The following ADGRL2 variants were observed in gnomAD, a reference collection of about 807,000 sequenced individuals.
ADGRL2 encodes the protein calcium-independent alpha-latrotoxin receptor 2.
Under a neutral mutation model 157.4 loss-of-function variants are expected in ADGRL2, and 44 were observed. The observed-to-expected ratio is 0.28, with a 90% confidence interval of 0.22 to 0.36. The LOEUF is 0.36. Among genes scored for constraint, ADGRL2 ranks in the 10% least tolerant of loss-of-function variants. The pLI is 1.00. For synonymous variants in ADGRL2, 585 were observed against 624.7 expected, an observed-to-expected ratio of 0.94 and a Z score of 0.95; for missense variants, 1,510 against 1,768.9, an observed-to-expected ratio of 0.85 and a Z score of 2.63.
intron 3 of ADGRL2, among the ~76,000 whole-genome samples, chr1:81,603,154 A>G (rs544153528): frequency 6.6e-6 from 1 of 152,264 alleles, no homozygotes; most frequent in East Asian, 1.9e-4. Context: ...ATTTTCATTA[A>G]AACATTTTTT....
intron 20 of ADGRL2, 24 bp downstream of exon 20, chr1:81,984,735 T>G (rs1662666999): frequency 6.2e-7 from 1 of 1,610,982 alleles, no homozygotes; most frequent in Admixed American, 1.7e-5. Flanking sequence ...TGACAGCATC[T>G]TTAATTAACC....
intron 1 of ADGRL2, among the ~76,000 whole-genome samples, chr1:81,751,440 T>C (rs897674054): frequency 2.0e-5 from 3 of 152,134 alleles, no homozygotes; most frequent in African/African-American, 7.2e-5. Context: ...AACCTGAATC[T>C]GATAATGAGA....
At chr1:81,928,513 TC>T (rs1269170857) in intron 3 of ADGRL2, among the ~76,000 whole-genome samples, 3 of 152,122 alleles carry the variant, frequency 2.0e-5, no homozygotes, top group Non-Finnish European at 4.4e-5. Context: ...GCTTCTTTTT[TC>T]TTTTATTATT....
intron 3 of ADGRL2, among the ~76,000 whole-genome samples, chr1:81,667,582 G>A (rs1260570086): frequency 6.6e-6 from 1 of 151,932 alleles, no homozygotes; most frequent in Admixed American, 6.6e-5. Context: ...TTTTTATCTT[G>A]TTGTCATTAT....
At chr1:81,393,356 G>GA (rs33999150) in intron 1 of ADGRL2, among the ~76,000 whole-genome samples, 10,048 of 132,126 alleles carry the variant, frequency 0.076, 413 homozygotes, top group South Asian at 0.16. Context: ...ATGCCCCAGG[G>GA]AAAAAAAAAA....
chr1:81,374,671 C>A (rs993896133), intron 1 of ADGRL2, among the ~76,000 whole-genome samples: 1 of 151,936 alleles, frequency 6.6e-6, no homozygotes, highest in African/African-American at 2.4e-5. Flanking sequence ...CGGTCCTGGG[C>A]AATTCAAGTG....
At chr1:81,502,837 G>A (rs2078883941) in intron 2 of ADGRL2, 8 of 1,612,466 alleles carry the variant, frequency 5.0e-6, no homozygotes, top group African/African-American at 1.3e-5. Flanking sequence ...CGCTGCCGAG[G>A]CCCCTGCCCT....
chr1:81,977,179 G>A (rs1660411064), intron 17 of ADGRL2, among the ~76,000 whole-genome samples: 1 of 151,786 alleles, frequency 6.6e-6, no homozygotes, highest in South Asian at 2.1e-4. Context: ...TACAAGTGCT[G>A]CCTGCTACCA....
chr1:81,973,641 A>G (rs766094978), intron 17 of ADGRL2, among the ~76,000 whole-genome samples: 4 of 152,210 alleles, frequency 2.6e-5, no homozygotes, highest in Admixed American at 6.5e-5. Flanking sequence ...ACATTTTATT[A>G]TGTTGTTCAT....
chr1:81,338,730 G>A (rs542499342), intron 1 of ADGRL2, among the ~76,000 whole-genome samples: 1 of 152,094 alleles, frequency 6.6e-6, no homozygotes, highest in Non-Finnish European at 1.5e-5. Flanking sequence ...TTCCTCTTCT[G>A]CAAATGAGGA....
chr1:81,601,765 G>C (rs1471090323), intron 3 of ADGRL2, among the ~76,000 whole-genome samples: 1 of 152,180 alleles, frequency 6.6e-6, no homozygotes, highest in Admixed American at 6.5e-5. Flanking sequence ...TCACAAATGT[G>C]ACAGTAGTGA....
rs551874502 is a variant in ADGRL2, at chr1:81,950,434, A to G, written c.1456A>G (p.Thr486Ala). Residue 486 changes from threonine to alanine, a missense_variant, in exon 7 of 24, where the codon ACA becomes GCA. By Grantham distance (58) the Thr-to-Ala change is moderately conservative. Transcript: ENST00000686636. ...LDSKGIKWPQTQRGMMVERPC... is the reference protein window; with the variant it reads ...LDSKGIKWPQAQRGMMVERPC... ...CTCCAAGGGGATAAAGTGGCCTCAG[A>G]CACAAAGGGGAATGATGGTTGAACG... 6.2e-7 allele frequency: 1 copy of G among 1,614,044 alleles called. No individual in the cohort carries two copies. The highest frequency in any genetic ancestry group is 1.7e-5 in the Admixed American group (1 of 60,014).
At chr1:81,385,443 T>C in intron 1 of ADGRL2, among the ~76,000 whole-genome samples, 1 of 152,122 alleles carries the variant, frequency 6.6e-6, no homozygotes, top group East Asian at 1.9e-4. Flanking sequence ...TCTATCACAA[T>C]TTCTGGTTAC....
At chr1:81,616,679 C>CTTTTTTTTT (rs1164087131) in intron 3 of ADGRL2, among the ~76,000 whole-genome samples, 1,681 of 105,862 alleles carry the variant, frequency 0.016, 76 homozygotes, top group African/African-American at 0.024. Flanking sequence ...CTTTTCTTTT[C>CTTTTTTTTT]TTTTTTTTTT....
exon 1 of ADGRL2, chr1:81,306,330 A>C (rs1187738023): frequency 1.3e-5 from 2 of 152,174 alleles, no homozygotes; most frequent in Non-Finnish European, 2.9e-5. Flanking sequence ...CACAGAGAGG[A>C]CTCAGCTTGA....
At chr1:81,806,951 A>G (rs1192048327) in intron 1 of ADGRL2, among the ~76,000 whole-genome samples, 1 of 151,894 alleles carries the variant, frequency 6.6e-6, no homozygotes, top group Non-Finnish European at 1.5e-5. Context: ...TTGAAGGGAG[A>G]GATGCGCATT....
chr1:81,777,912 G>A (rs1239711038), intron 2 of ADGRL2, among the ~76,000 whole-genome samples: 1 of 152,082 alleles, frequency 6.6e-6, no homozygotes, highest in Non-Finnish European at 1.5e-5. Flanking sequence ...CATTAGACAA[G>A]GCCAAAGACA....
intron 2 of ADGRL2, among the ~76,000 whole-genome samples, chr1:81,566,586 C>T (rs2148476747): frequency 6.6e-6 from 1 of 152,210 alleles, no homozygotes; most frequent in Admixed American, 6.6e-5. Context: ...CTGAAATCAT[C>T]ATATAGGCAA....
At chr1:81,349,764 A>G (rs1470975805) in intron 1 of ADGRL2, among the ~76,000 whole-genome samples, 1 of 151,892 alleles carries the variant, frequency 6.6e-6, no homozygotes, top group Non-Finnish European at 1.5e-5. Flanking sequence ...GGAACAGCCA[A>G]TTTGCCATAT....
Sources: allele counts gnomAD v4.1 joint callset (sites outside exome capture counted in the v4.1 genomes callset), GRCh38; gene constraint gnomAD v4.1.1; transcripts MANE v1.5; gene names NCBI Gene and HGNC (gene_info 2026-07-23, HGNC 2026-07-21).